FTL: variants seen among roughly 807,000 people sequenced by gnomAD.
FTL encodes ferritin light chain, also known as epididymis secretory sperm binding protein.
Under a neutral mutation model 16.6 loss-of-function variants are expected in FTL, and 17 were observed. The observed-to-expected ratio is 1.02, with a 90% CI of 0.70 to 1.53. The LOEUF is 1.53. Among genes scored for constraint, FTL ranks in the 40% most tolerant of loss-of-function variants. The pLI is 0.00. For synonymous variants in FTL, 73 were observed against 89.9 expected (o/e 0.81, Z 1.06); for missense variants, 186 against 226.1 (o/e 0.82, Z 1.14).
intron 2 of FTL, 121 bp downstream of exon 2, chr19:48,966,037 T>G (rs773133850): frequency 2.2e-6 from 3 of 1,354,982 alleles, no homozygotes; most frequent in Admixed American, 3.9e-5. Context: ...TTGTGAGCCC[T>G]CTTAACCGCT....
rs1297588792 is a variant in FTL at position 48,965,910 on chromosome 19, C to T, written c.243C>T (p.Asp81=). The part of the protein sequence containing the change: ...NQRGGRALFQ[D]IKKPAEDEWG... The stretch of plus-strand genomic sequence containing the variant: ...GTGGCGGCCGCGCTCTCTTCCAGGA[C>T]ATCAAGGTAACTAGTGTGTGGGTAA... The change falls in exon 2 of 4, where the codon GAC becomes GAT. Residue 81 remains aspartate, a synonymous_variant. Transcript: ENST00000331825. 1 of 1,613,990 alleles carries T rather than the reference C, an allele frequency of 6.2e-7. No homozygotes were observed. The highest frequency in any genetic ancestry group is 1.3e-5 in the African/African-American group (1 of 74,946).
At chr19:48,966,240 CCGAGTG>C (rs1568612684) in intron 2 of FTL, 35 bp from the exon 3 acceptor site, 1 of 1,613,348 alleles carries the variant, frequency 6.2e-7, no homozygotes, top group Admixed American at 1.7e-5. Context: ...GTTCTATGTG[CCGAGTG>C]TGTGTATTCT....
chr19:48,966,502 C>G, intron 3 of FTL, 81 bp from the exon 4 acceptor site: 1 of 1,612,064 alleles, frequency 6.2e-7, no homozygotes, highest in Non-Finnish European at 8.5e-7. Context: ...TCACACCTGT[C>G]ACATTTTAAT....
intron 1 of FTL, 63 bp downstream of exon 1, chr19:48,965,672 C>A: frequency 6.2e-7 from 1 of 1,602,404 alleles, no homozygotes; most frequent in South Asian, 1.1e-5. Flanking sequence ...GCCCTCACTG[C>A]ACGCGCCAGC....
Position 48,966,273 on chromosome 19 carries a change from C to T in FTL, c.250-8C>T. 6.2e-7 allele frequency: 1 copy of T among 1,613,984 alleles called. No individual in the cohort carries two copies. The highest frequency in any genetic ancestry group is 1.1e-5 in the South Asian group (1 of 91,066). On this transcript the variant is annotated splice_region_variant and splice_polypyrimidine_tract_variant and intron_variant, in intron 2 of 3. Transcript: ENST00000331825. ...GTGTATTCTGAGCCATTTCTCCCTT[C>T]TATATAGAAGCCAGCTGAAGATGAG...
In FTL at chr19:48,966,828, T is replaced by C. The variant is rs757148305; in HGVS notation, c.*93T>C. 143 of 1,334,178 alleles carry C rather than the reference T, an allele frequency of 1.1e-4. No homozygotes were observed. The highest frequency in any genetic ancestry group is 1.4e-4 in the Non-Finnish European group (133 of 936,516). The allele number at this position is 1,334,178 out of a possible 1,614,324, so 82.6% of individuals were successfully genotyped here. A position where few individuals can be genotyped will look rare whatever the true frequency, so the allele number is the denominator to read the frequency against. On this transcript the variant is annotated 3_prime_UTR_variant, in exon 4 of 4. Transcript: ENST00000331825. ...TCCCTCCAGCCAATAGGCAGCTTTC[T>C]TAACTATCCTAACAAGCCTTGGACC... is the stretch of plus-strand genomic sequence containing the variant.
chr19:48,966,201 C>G (rs1285791962), intron 2 of FTL, 80 bp from the exon 3 acceptor site: 17 of 1,602,388 alleles, frequency 1.1e-5, no homozygotes, highest in Middle Eastern at 2.0e-4. Flanking sequence ...GCCTCTGACC[C>G]CCAACGACTC....
rs981387168 is a variant in FTL, at chr19:48,966,607, T to G, written c.400T>G (p.Phe134Val). Residue 134 changes from phenylalanine (F) to valine (V), a missense_variant, in exon 4 of 4, where the codon TTC becomes GTC. Physicochemically the swap from Phe to Val is conservative, Grantham distance 50 (BLOSUM62 -1). Coordinates refer to ENST00000331825, the MANE Select transcript of FTL (RefSeq NM_000146.4). ...GCTCTGTGACTTCCTGGAGACTCAC[T>G]TCCTAGATGAGGAAGTGAAGCTTAT... ...PHLCDFLETHFLDEEVKLIKK... is the reference protein window; with the variant it reads ...PHLCDFLETHVLDEEVKLIKK... 2 of 1,613,988 alleles carry G rather than the reference T, an allele frequency of 1.2e-6. No individual in the cohort carries two copies. The highest frequency in any genetic ancestry group is 1.7e-6 in the Non-Finnish European group (2 of 1,180,012).
Position 48,965,922 on chromosome 19 carries a change from T to C in FTL, c.249+6T>C, listed in dbSNP as rs376987924. ...CTCTCTTCCAGGACATCAAGGTAAC[T>C]AGTGTGTGGGTAATGGACTACATCT... On this transcript the variant is annotated splice_donor_region_variant and intron_variant, in intron 2 of 3. Coordinates refer to ENST00000331825, the MANE Select transcript of FTL (RefSeq NM_000146.4). The C allele has an allele frequency of 1.2e-6, 2 of 1,613,968 alleles. No homozygotes were observed. The highest frequency in any genetic ancestry group is 1.7e-5 in the Admixed American group (1 of 59,984).
chr19:48,966,404 C>T lies in FTL; in HGVS notation c.373C>T (p.His125Tyr). 6.2e-7 allele frequency: 1 copy of T among 1,614,148 alleles called. No individual in the cohort carries two copies. The highest frequency in any genetic ancestry group is 8.5e-7 in the Non-Finnish European group (1 of 1,180,028). The change falls in exon 3 of 4, where the codon CAT becomes TAT. Residue 125 changes from histidine to tyrosine, a missense_variant and splice_region_variant. By Grantham distance (83) the His-to-Tyr change is moderately conservative. Transcript: ENST00000331825. ...CCTGGGTTCTGCCCGCACGGACCCC[C>T]ATGTACGTACCCGCTGCATCCATGG... is the stretch of plus-strand genomic sequence containing the variant. ...HALGSARTDP[H>Y]LCDFLETHFL...
In FTL at chr19:48,965,808, C is replaced by T. The variant is rs374599130; in HGVS notation, c.141C>T (p.Gly47=). The change falls in exon 2 of 4, where the codon GGC becomes GGT. Residue 47 remains glycine (G), a synonymous_variant. Transcript: ENST00000331825. ...YFDRDDVALE[G]VSHFFRELAE... is the part of the protein sequence containing the mutation. ...ACCGCGATGATGTGGCTCTGGAAGG[C>T]GTGAGCCACTTCTTCCGCGAATTGG... 6.2e-7 allele frequency: 1 copy of T among 1,614,154 alleles called. No individual in the cohort carries two copies. Among genetic ancestry groups the T allele is most frequent in the Non-Finnish European group, 8.5e-7 (1 of 1,180,014 alleles).
chr19:48,965,848 G>A lies in FTL; in HGVS notation c.181G>A (p.Glu61Lys), dbSNP rs2038446561. 1.9e-6 allele frequency: 3 copies of A among 1,614,208 alleles called. No homozygotes were observed. The East Asian group carries it at 6.7e-5, about 36-fold the overall frequency. The stretch of plus-strand genomic sequence containing the variant: ...CCGCGAATTGGCCGAGGAGAAGCGC[G>A]AGGGCTACGAGCGTCTCCTGAAGAT... ...FFRELAEEKR[E>K]GYERLLKMQN... Residue 61 changes from glutamate to lysine, a missense_variant, in exon 2 of 4, where the codon GAG (glutamate) becomes AAG (lysine). Glu to Lys is a moderately conservative substitution (Grantham distance 56). Coordinates refer to ENST00000331825, the MANE Select transcript of FTL (RefSeq NM_000146.4).
rs753728494 is a variant in FTL, at chr19:48,965,809, G to T, written c.142G>T (p.Val48Leu). Residue 48 changes from valine to leucine, a missense_variant, in exon 2 of 4, where the codon GTG becomes TTG. Val to Leu is a conservative substitution (Grantham distance 32). Transcript: ENST00000331825. ...CCGCGATGATGTGGCTCTGGAAGGC[G>T]TGAGCCACTTCTTCCGCGAATTGGC... is the stretch of plus-strand genomic sequence containing the variant. ...FDRDDVALEG[V>L]SHFFRELAEE... The T allele has an allele frequency of 6.2e-7, 1 of 1,614,160 alleles. No homozygotes were observed.
chr19:48,966,203 C>G, intron 2 of FTL, 78 bp from the exon 3 acceptor site: 1 of 1,604,014 alleles, frequency 6.2e-7, no homozygotes, highest in South Asian at 1.1e-5. Flanking sequence ...CTCTGACCCC[C>G]AACGACTCTT....
rs202124443 is a variant in FTL at position 48,965,734 on chromosome 19, C to A, written c.103-36C>A. The A allele has an allele frequency of 2.0e-4, 322 of 1,614,064 alleles. No homozygotes were observed. In the Admixed American group the frequency reaches 5.2e-3, roughly 26 times the overall value. ...GGGCGGAGTCCCCTTGGCCTCGCCT[C>A]CCGCTAACCATTGTTGCCTCCATCT... On this transcript the variant is annotated intron_variant, in intron 1 of 3. Coordinates refer to ENST00000331825, the MANE Select transcript of FTL (RefSeq NM_000146.4).
At chr19:48,966,073 T>C (rs1600122153) in intron 2 of FTL, 157 bp downstream of exon 2, 2 of 1,196,778 alleles carry the variant, frequency 1.7e-6, no homozygotes, top group South Asian at 2.5e-5. Flanking sequence ...CCTCGTGCAG[T>C]GCCCACAACA....
chr19:48,965,930 G>A lies in FTL; in HGVS notation c.249+14G>A. On this transcript the variant is annotated intron_variant, in intron 2 of 3. Transcript: ENST00000331825. ...CAGGACATCAAGGTAACTAGTGTGT[G>A]GGTAATGGACTACATCTCCCAGCAG... 6.2e-7 allele frequency: 1 copy of A among 1,613,808 alleles called. No individual in the cohort carries two copies. Among genetic ancestry groups the A allele is most frequent in the Non-Finnish European group, 8.5e-7 (1 of 1,179,854 alleles).
intron 1 of FTL, 77 bp from the exon 2 acceptor site, chr19:48,965,693 C>T: frequency 6.2e-7 from 1 of 1,606,232 alleles, no homozygotes; most frequent in South Asian, 1.1e-5. Context: ...CTTCTTTGTG[C>T]GGTCGGGTAA....
chr19:48,966,378 C>A lies in FTL; in HGVS notation c.347C>A (p.Ala116Asp). 1.9e-6 allele frequency: 3 copies of A among 1,614,094 alleles called. No individual in the cohort carries two copies. The highest frequency in any genetic ancestry group is 1.6e-4 in the Middle Eastern group (1 of 6,062). The change falls in exon 3 of 4, where the codon GCC becomes GAC. Residue 116 changes from alanine (A) to aspartate (D), a missense_variant. Physicochemically the swap from Ala to Asp is moderately radical, Grantham distance 126 (BLOSUM62 -2). Transcript: ENST00000331825. ...AACCAGGCCCTTTTGGATCTTCATG[C>A]CCTGGGTTCTGCCCGCACGGACCCC... ...KLNQALLDLH[A>D]LGSARTDPHL... is the part of the protein sequence containing the mutation.
Sources: allele counts gnomAD v4.1 joint callset, GRCh38; gene constraint gnomAD v4.1.1; transcripts MANE v1.5; gene names NCBI Gene and HGNC (gene_info 2026-07-23, HGNC 2026-07-21).